GNAT3: variants seen among roughly 807,000 people sequenced by gnomAD.
The protein encoded by GNAT3 is G protein subunit alpha transducin 3, also known as guanine nucleotide-binding protein G(t) subunit alpha-3.
A neutral mutation model predicts 37.7 loss-of-function variants in GNAT3; 31 were observed. That is an observed-to-expected ratio of 0.82 (90% CI 0.62 to 1.11). The LOEUF (loss-of-function observed/expected upper bound fraction) is 1.11. GNAT3 is among the 50% of genes most tolerant of loss of function. The pLI, the probability that GNAT3 is intolerant of heterozygous loss-of-function variation, is 0.00. For missense variants in GNAT3, 437 were observed against 412.5 expected (o/e 1.06, Z -0.51); for synonymous variants, 138 against 139.8 (o/e 0.99, Z 0.09).
At chr7:80,497,982 G>C (rs1362344533) in intron 1 of GNAT3, among the ~76,000 whole-genome samples, 1 of 152,052 alleles carries the variant, frequency 6.6e-6, no homozygotes, top group South Asian at 2.1e-4. Flanking sequence ...TTCTAGAATT[G>C]TATCAGCATA....
intron 1 of GNAT3, among the ~76,000 whole-genome samples, chr7:80,503,246 A>T (rs913593919): frequency 2.0e-5 from 3 of 152,188 alleles, no homozygotes; most frequent in African/African-American, 4.8e-5. Context: ...AATATTTTAG[A>T]TTCTGATTCT....
At chr7:80,500,544 A>G (rs1169294060) in intron 1 of GNAT3, among the ~76,000 whole-genome samples, 2 of 152,030 alleles carry the variant, frequency 1.3e-5, no homozygotes, top group African/African-American at 2.4e-5. Flanking sequence ...GCAGGAAACT[A>G]TGTCATACTC....
chr7:80,498,880 T>C (rs1584194440), intron 1 of GNAT3, among the ~76,000 whole-genome samples: 1 of 152,276 alleles, frequency 6.6e-6, no homozygotes, highest in Non-Finnish European at 1.5e-5. Flanking sequence ...ATTATTTTAT[T>C]TTTAATAAGA....
In GNAT3 at chr7:80,488,659, C is replaced by A. The variant is rs1366265747; in HGVS notation, c.179G>T (p.Gly60Val). 6.3e-7 allele frequency: 1 copy of A among 1,578,260 alleles called. No homozygotes were observed. The highest frequency in any genetic ancestry group is 8.6e-7 in the Non-Finnish European group (1 of 1,158,894). Residue 60 changes from glycine to valine, a missense_variant, in exon 3 of 8, where the codon GGT (glycine) becomes GTT (valine). Physicochemically the swap from Gly to Val is moderately radical, Grantham distance 109. Transcript: ENST00000398291. ...VKQMKIIHKN[G>V]YSEQECMEFK... Reference sequence around the variant, plus strand: ...CTCCATGCATTCTTGCTCACTGTAACCATTCTTATGGATGATCCTATAATT... The same window carrying A: ...CTCCATGCATTCTTGCTCACTGTAAACATTCTTATGGATGATCCTATAATT...
At chr7:80,471,097 A>G (rs889256167) in intron 5 of GNAT3, among the ~76,000 whole-genome samples, 3 of 149,610 alleles carry the variant, frequency 2.0e-5, no homozygotes, top group Admixed American at 6.6e-5. Flanking sequence ...ACATCTTTCT[A>G]TCTCTGGGAG....
chr7:80,508,423 T>C (rs1055289740), intron 1 of GNAT3, among the ~76,000 whole-genome samples: 2 of 151,998 alleles, frequency 1.3e-5, no homozygotes, highest in African/African-American at 4.8e-5. Flanking sequence ...AAAGTACCAT[T>C]GAATGAAACG....
intron 2 of GNAT3, among the ~76,000 whole-genome samples, chr7:80,492,412 G>GT (rs879779221): frequency 8.6e-5 from 13 of 151,594 alleles, no homozygotes; most frequent in East Asian, 1.9e-4. Flanking sequence ...TTTGTAACCT[G>GT]TTTTTTTAGT....
chr7:80,460,404 C>A (rs927883466), intron 7 of GNAT3, among the ~76,000 whole-genome samples: 1 of 151,916 alleles, frequency 6.6e-6, no homozygotes, highest in Non-Finnish European at 1.5e-5. Context: ...GGATACATGA[C>A]CTGCATGTGG....
intron 4 of GNAT3, among the ~76,000 whole-genome samples, chr7:80,477,174 G>T (rs1790318024): frequency 6.6e-6 from 1 of 151,996 alleles, no homozygotes. Flanking sequence ...ACAATAAAAT[G>T]CCATTTATTT....
chr7:80,477,837 T>C (rs1790331035), intron 4 of GNAT3, among the ~76,000 whole-genome samples: 1 of 152,194 alleles, frequency 6.6e-6, no homozygotes, highest in Non-Finnish European at 1.5e-5. Context: ...GTAATTAGAT[T>C]GTATTTACAT....
intron 3 of GNAT3, among the ~76,000 whole-genome samples, chr7:80,479,336 G>A (rs1403225332): frequency 6.6e-6 from 1 of 151,672 alleles, no homozygotes; most frequent in African/African-American, 2.4e-5. Context: ...ATTATACCAA[G>A]GTAAAATAAA....
chr7:80,507,724 C>T (rs1465837705), intron 1 of GNAT3, among the ~76,000 whole-genome samples: 3 of 151,912 alleles, frequency 2.0e-5, no homozygotes, highest in African/African-American at 7.2e-5. Context: ...ATGGTTAAAC[C>T]TATTTATCTA....
At chr7:80,504,047 G>A (rs1355191378) in intron 1 of GNAT3, among the ~76,000 whole-genome samples, 1 of 152,206 alleles carries the variant, frequency 6.6e-6, no homozygotes, top group Non-Finnish European at 1.5e-5. Context: ...TCAGGGTGGA[G>A]GCTCATGCCT....
At chr7:80,471,834 C>A (rs906828759) in intron 5 of GNAT3, among the ~76,000 whole-genome samples, 4 of 151,950 alleles carry the variant, frequency 2.6e-5, no homozygotes, top group African/African-American at 9.7e-5. Flanking sequence ...TGAGGCTATC[C>A]AGTTAGCCTC....
At chr7:80,511,753 A>T (rs10230573) in intron 1 of GNAT3, 56 bp downstream of exon 1, 2 of 954,362 alleles carry the variant, frequency 2.1e-6, no homozygotes, top group Admixed American at 2.0e-5. Flanking sequence ...AAAAGTAAAT[A>T]TATCACAATT....
At chr7:80,506,767 G>T (rs1021441521) in intron 1 of GNAT3, among the ~76,000 whole-genome samples, 1 of 152,018 alleles carries the variant, frequency 6.6e-6, no homozygotes, top group African/African-American at 2.4e-5. Context: ...CAGAGAAAAT[G>T]GTATGTATTT....
chr7:80,485,192 C>T (rs1300869727), intron 3 of GNAT3, among the ~76,000 whole-genome samples: 2 of 150,184 alleles, frequency 1.3e-5, no homozygotes, highest in Non-Finnish European at 3.0e-5. Flanking sequence ...TAACACTCTT[C>T]CCTAGACTCT....
chr7:80,462,466 C>A, intron 6 of GNAT3, 36 bp downstream of exon 6: 1 of 1,606,884 alleles, frequency 6.2e-7, no homozygotes, highest in Non-Finnish European at 8.5e-7. Flanking sequence ...ACAAAGATTA[C>A]TTTTAACCCT....
chr7:80,488,579 C>T lies in GNAT3; in HGVS notation c.259G>A (p.Ala87Thr). 1 of 1,600,468 alleles carries T rather than the reference C, an allele frequency of 6.2e-7. No homozygotes were observed. Among genetic ancestry groups the T allele is most frequent in the Non-Finnish European group, 8.5e-7 (1 of 1,172,268 alleles). Residue 87 changes from alanine (A) to threonine (T), a missense_variant, in exon 3 of 8, where the codon GCC (alanine) becomes ACC (threonine). Transcript: ENST00000398291. ...TAATCAATTCCAAGGGTAGTCATGG[C>T]TTTCACAATAGCTAGGATGGATTGC... ...TLQSILAIVK[A>T]MTTLGIDYVN...
Sources: gnomAD v4.1 joint callset for allele counts (sites outside exome capture counted in the v4.1 genomes callset) on GRCh38, gnomAD v4.1.1 for gene constraint, MANE v1.5 for transcripts, NCBI Gene and HGNC (gene_info 2026-07-23, HGNC 2026-07-21) for gene names.